Variants in SCCPDH observed in about 807,000 individuals in gnomAD.
SCCPDH encodes the protein saccharopine dehydrogenase (putative), also known as saccharopine dehydrogenase-like oxidoreductase.
Under a neutral mutation model 51.5 loss-of-function variants are expected in SCCPDH, and 34 were observed. The observed-to-expected ratio is 0.66, with a 90% CI of 0.50 to 0.88. SCCPDH has a LOEUF of 0.88. Ranked by LOEUF, SCCPDH falls within the 40% of genes least tolerant of loss-of-function variation. The pLI is 0.00. For missense variants in SCCPDH, 464 were observed against 527.1 expected, an observed-to-expected ratio of 0.88 and a Z score of 1.17; for synonymous variants, 187 against 191.3, an observed-to-expected ratio of 0.98 and a Z score of 0.19.
intron 7 of SCCPDH, 147 bp from the exon 8 acceptor site, chr1:246,759,810 A>C (rs1357810462): frequency 1.2e-5 from 10 of 837,070 alleles, no homozygotes; most frequent in Non-Finnish European, 1.6e-5. Context: ...GTTTCTGAAC[A>C]AGATTTCAGA....
intron 9 of SCCPDH, among the ~76,000 whole-genome samples, chr1:246,763,205 C>G (rs145445910): frequency 2.5e-4 from 38 of 152,246 alleles, no homozygotes; most frequent in African/African-American, 9.1e-4. Context: ...CCATCCTAGA[C>G]CCTTCATGAT....
At chr1:246,753,434 G>A (rs1361046596) in intron 5 of SCCPDH, among the ~76,000 whole-genome samples, 1 of 152,102 alleles carries the variant, frequency 6.6e-6, no homozygotes, top group Non-Finnish European at 1.5e-5. Flanking sequence ...TCGAGACCTA[G>A]ACCAGCATAT....
Position 246,744,075 on chromosome 1 carries a change from G to C in SCCPDH, c.515-1G>C, listed in dbSNP as rs147652217. ...TTTTTACCATTCTCCTACTCTTTTAGGTACTTTGACTGCTGTGGAAAGTTT... is the reference window on the plus strand; with the variant it reads ...TTTTTACCATTCTCCTACTCTTTTACGTACTTTGACTGCTGTGGAAAGTTT... On this transcript the variant is annotated splice_acceptor_variant, in intron 4 of 11. Coordinates refer to ENST00000366510, the MANE Select transcript of SCCPDH (RefSeq NM_016002.3). LOFTEE classifies it high-confidence loss of function. 701 of 1,585,382 alleles carry C rather than the reference G, an allele frequency of 4.4e-4. No homozygotes were observed. Among genetic ancestry groups the C allele is most frequent in the Non-Finnish European group, 5.5e-4 (636 of 1,157,306 alleles).
At position 246,760,042 on chromosome 1, in the gene SCCPDH, T is replaced by C; in HGVS notation, c.899T>C (p.Val300Ala). 1.2e-6 allele frequency: 2 copies of C among 1,613,598 alleles called. No homozygotes were observed. Among genetic ancestry groups the C allele is most frequent in the Non-Finnish European group, 1.7e-6 (2 of 1,179,714 alleles). Residue 300 changes from valine to alanine, a missense_variant, in exon 8 of 12, where the codon GTG becomes GCG. Transcript: ENST00000366510. ...MFAGLFFLFFVRFGIGRQLLI... is the reference protein window; with the variant it reads ...MFAGLFFLFFARFGIGRQLLI... Reference sequence around the variant, plus strand: ...GCAGGACTTTTCTTTTTGTTCTTTGTGAGGTTTGGAATTGGAAGGCAACTT... The same window carrying C: ...GCAGGACTTTTCTTTTTGTTCTTTGCGAGGTTTGGAATTGGAAGGCAACTT...
chr1:246,743,002 G>T (rs1473610107), intron 4 of SCCPDH, among the ~76,000 whole-genome samples: 1 of 152,084 alleles, frequency 6.6e-6, no homozygotes, highest in African/African-American at 2.4e-5. Context: ...TGCTATCACA[G>T]AGGGTGTTTT....
At chr1:246,730,520 CTG>C (rs1261008812) in intron 2 of SCCPDH, among the ~76,000 whole-genome samples, 1 of 152,210 alleles carries the variant, frequency 6.6e-6, no homozygotes, top group Non-Finnish European at 1.5e-5. Flanking sequence ...GAGGCCCTCT[CTG>C]TGTGATGGAA....
intron 4 of SCCPDH, among the ~76,000 whole-genome samples, chr1:246,742,152 C>T (rs1572297606): frequency 6.6e-6 from 1 of 152,300 alleles, no homozygotes; most frequent in East Asian, 1.9e-4. Flanking sequence ...ACACTAGAAC[C>T]ATTCCAATTA....
chr1:246,760,358 C>A, intron 9 of SCCPDH, 131 bp downstream of exon 9: 2 of 730,660 alleles, frequency 2.7e-6, no homozygotes, highest in Non-Finnish European at 4.4e-6. Flanking sequence ...ATTATTCAAT[C>A]TTTTCAAACA....
At position 246,767,868 on chromosome 1, in the gene SCCPDH, G is replaced by A. The variant is rs927493946; in HGVS notation, c.*568G>A. The A allele has an allele frequency of 2.6e-5, 4 of 152,184 alleles. No homozygotes were observed. The highest frequency in any genetic ancestry group is 9.7e-5 in the African/African-American group (4 of 41,432). 9.4% of individuals were successfully genotyped at this position (152,184 alleles called of 1,614,324 possible). A position where few individuals can be genotyped will look rare whatever the true frequency, so the allele number is the denominator to read the frequency against. On this transcript the variant is annotated 3_prime_UTR_variant, in exon 12 of 12. Coordinates refer to ENST00000366510, the MANE Select transcript of SCCPDH (RefSeq NM_016002.3). ...AATGTTTGGACCTGCCGATGTATTT[G>A]TATAGTGGTAGAAACATGCTGCTTA...
chr1:246,735,597 TC>T (rs1668553955), intron 2 of SCCPDH, among the ~76,000 whole-genome samples: 1 of 152,246 alleles, frequency 6.6e-6, no homozygotes, highest in Non-Finnish European at 1.5e-5. Flanking sequence ...AGTGGCACGA[TC>T]TTGGCTCACT....
At chr1:246,750,745 A>G (rs2102987431) in intron 5 of SCCPDH, among the ~76,000 whole-genome samples, 1 of 152,368 alleles carries the variant, frequency 6.6e-6, no homozygotes, top group South Asian at 2.1e-4. Flanking sequence ...TTTGTACCCA[A>G]CGAGTAAGGT....
intron 1 of SCCPDH, 47 bp from the exon 2 acceptor site, chr1:246,726,845 T>C: frequency 7.6e-7 from 1 of 1,308,786 alleles, no homozygotes; most frequent in East Asian, 2.3e-5. Flanking sequence ...AAGGAAGATA[T>C]AATCCTCTAC....
chr1:246,741,500 G>A (rs887110993), intron 4 of SCCPDH, among the ~76,000 whole-genome samples: 1 of 151,858 alleles, frequency 6.6e-6, no homozygotes, highest in Non-Finnish European at 1.5e-5. Flanking sequence ...TTCTCACTAT[G>A]TTGCCCAGTT....
At chr1:246,759,571 G>A (rs969431622) in intron 7 of SCCPDH, among the ~76,000 whole-genome samples, 3 of 152,174 alleles carry the variant, frequency 2.0e-5, no homozygotes, top group Non-Finnish European at 2.9e-5. Context: ...GAGACTTCAG[G>A]AGGAAATTAT....
chr1:246,762,841 CAAAAA>C (rs35066232), intron 9 of SCCPDH, among the ~76,000 whole-genome samples: 5 of 90,936 alleles, frequency 5.5e-5, no homozygotes, highest in Non-Finnish European at 6.7e-5. Flanking sequence ...ATTCCTTCTC[CAAAAA>C]AAAAAAAAAA....
In SCCPDH at chr1:246,743,599, T is replaced by C. The variant is rs1572298154; in HGVS notation, c.515-477T>C. ...TCTGTCTCAAAAAAAAAAAAGAAAG[T>C]GACCCTCCTACCTTGACCTCCCAAA... On this transcript the variant is annotated intron_variant, in intron 4 of 11. Coordinates refer to ENST00000366510, the MANE Select transcript of SCCPDH (RefSeq NM_016002.3). 2.0e-5 allele frequency among the ~76,000 whole-genome samples: 3 copies of C among 149,436 alleles called. 1 individual carries two copies. In the Middle Eastern group the frequency reaches 0.01, roughly 523 times the overall value.
chr1:246,756,984 A>G (rs1424047975), intron 5 of SCCPDH, among the ~76,000 whole-genome samples: 3 of 152,206 alleles, frequency 2.0e-5, no homozygotes, highest in Non-Finnish European at 4.4e-5. Flanking sequence ...TGTACAATCA[A>G]TATAATAAAT....
At chr1:246,751,627 C>A (rs1205031882) in intron 5 of SCCPDH, among the ~76,000 whole-genome samples, 1 of 152,112 alleles carries the variant, frequency 6.6e-6, no homozygotes, top group Non-Finnish European at 1.5e-5. Context: ...CATAAATTCC[C>A]TTTTATAACA....
At chr1:246,725,800 C>T (rs990829295) in intron 1 of SCCPDH, among the ~76,000 whole-genome samples, 1 of 152,144 alleles carries the variant, frequency 6.6e-6, no homozygotes, top group African/African-American at 2.4e-5. Flanking sequence ...ATATATAATG[C>T]CCAAATCAAG....
Sources: allele counts gnomAD v4.1 joint callset (sites outside exome capture counted in the v4.1 genomes callset), GRCh38; gene constraint gnomAD v4.1.1; transcripts MANE v1.5; gene names NCBI Gene and HGNC (gene_info 2026-07-23, HGNC 2026-07-21).